The following GORASP1 variants were observed in gnomAD, a reference collection of about 807,000 sequenced individuals.
The protein encoded by GORASP1 is golgi reassembly stacking protein 1.
Under a neutral mutation model 37.7 loss-of-function variants are expected in GORASP1, and 31 were observed. That is an observed-to-expected ratio of 0.82 (90% CI 0.62 to 1.11). The LOEUF is 1.11. Ranked by LOEUF, GORASP1 falls within the 50% of genes least tolerant of loss-of-function variation. GORASP1 has a pLI of 0.00. For synonymous variants in GORASP1, 204 were observed against 224.8 expected (o/e 0.91, Z 0.83); for missense variants, 476 against 560.7 (o/e 0.85, Z 1.53).
Position 39,098,111 on chromosome 3 carries a change from A to T in GORASP1, c.*125T>A. On this transcript the variant is annotated 3_prime_UTR_variant, in exon 9 of 9. Coordinates refer to ENST00000319283, the MANE Select transcript of GORASP1 (RefSeq NM_031899.4). The surrounding 1 kb of genome is among the most constrained non-coding windows in gnomAD (Gnocchi z 4.7). ...ACAAGGCCCATGGCCCCCTCTCACCACCCACTGAGGCCTCATGTCCCACCA... is the reference window on the plus strand; with the variant it reads ...ACAAGGCCCATGGCCCCCTCTCACCTCCCACTGAGGCCTCATGTCCCACCA... 8.6e-7 allele frequency: 1 copy of T among 1,161,312 alleles called. No individual in the cohort carries two copies. Among genetic ancestry groups the T allele is most frequent in the Non-Finnish European group, 1.2e-6 (1 of 821,382 alleles). 71.9% of individuals were successfully genotyped at this position (1,161,312 alleles called of 1,614,324 possible).
chr3:39,098,094 C>G lies in GORASP1; in HGVS notation c.*142G>C, dbSNP rs2035446215. On this transcript the variant is annotated 3_prime_UTR_variant, in exon 9 of 9. Transcript: ENST00000319283. The surrounding 1 kb of genome is among the most constrained non-coding windows in gnomAD (Gnocchi z 4.7). ...CCAAAAGATATCCTCCCACAAGGCC[C>G]ATGGCCCCCTCTCACCACCCACTGA... 1 of 969,484 alleles carries G rather than the reference C, an allele frequency of 1.0e-6. No individual in the cohort carries two copies. The highest frequency in any genetic ancestry group is 1.5e-6 in the Non-Finnish European group (1 of 653,368). The allele number at this position is 969,484 out of a possible 1,614,324, so 60.1% of individuals were successfully genotyped here.
chr3:39,101,534 A>G, intron 3 of GORASP1: 1 of 457,964 alleles, frequency 2.2e-6, no homozygotes, highest in Non-Finnish European at 4.4e-6. Context: ...CACCCACTAC[A>G]TTGCTGCTTC....
In GORASP1 at chr3:39,100,718, C is replaced by A. The variant is rs1443246111; in HGVS notation, c.566+29G>T. On this transcript the variant is annotated intron_variant, in intron 5 of 8. Transcript: ENST00000319283. This position sits in a 1 kb window ranked among gnomAD's most constrained non-coding sequence, Gnocchi z 4.6. Reference sequence around the variant, plus strand: ...CAATGGTCAGGCCCCACCCACCTGGCCCTGCAGCCCTCCAACCCCACGAAG... The same window carrying A: ...CAATGGTCAGGCCCCACCCACCTGGACCTGCAGCCCTCCAACCCCACGAAG... 6 of 1,610,200 alleles carry A rather than the reference C, an allele frequency of 3.7e-6. No individual in the cohort carries two copies. The African/African-American group carries it at 6.7e-5, about 18-fold the overall frequency.
In GORASP1 at chr3:39,098,988, C is replaced by G. The variant is rs2035524048; in HGVS notation, c.917-95G>C. 6.8e-7 allele frequency: 1 copy of G among 1,477,054 alleles called. No individual in the cohort carries two copies. Among genetic ancestry groups the G allele is most frequent in the South Asian group, 1.2e-5 (1 of 82,306 alleles). The allele number at this position is 1,477,054 out of a possible 1,614,324, so 91.5% of individuals were successfully genotyped here. A position where few individuals can be genotyped will look rare whatever the true frequency, so the allele number is the denominator to read the frequency against. ...ACCTTGCCTAGGGCATCTGGCCCAG[C>G]CTGTGAGACTGTAATCTCCTCAGCC... On this transcript the variant is annotated intron_variant, in intron 7 of 8. Transcript: ENST00000319283. This position sits in a 1 kb window ranked among gnomAD's most constrained non-coding sequence, Gnocchi z 4.7.
chr3:39,098,293 A>G lies in GORASP1; in HGVS notation c.1266T>C (p.Asp422=), dbSNP rs1045451073. The change falls in exon 9 of 9, where the codon GAT becomes GAC. Residue 422 remains aspartate (D), a synonymous_variant. Coordinates refer to ENST00000319283, the MANE Select transcript of GORASP1 (RefSeq NM_031899.4). This position sits in a 1 kb window ranked among gnomAD's most constrained non-coding sequence, Gnocchi z 4.7. The part of the protein sequence containing the change: ...EEEPASTEGL[D]TGTEAEGLDS... ...CCAGCCCCTCAGCCTCCGTCCCAGT[A>G]TCTAGGCCCTCTGTGCTTGCTGGTT... 8 of 1,614,014 alleles carry G rather than the reference A, an allele frequency of 5.0e-6. No individual in the cohort carries two copies. The African/African-American group carries it at 1.1e-4, about 22-fold the overall frequency.
chr3:39,098,228 C>A lies in GORASP1; in HGVS notation c.*8G>T. ...ATGTCATCATGGGCCTTGTCACAGC[C>A]CAGGGTGTTATTCTGTGGTAGAGAT... is the stretch of plus-strand genomic sequence containing the variant. On this transcript the variant is annotated 3_prime_UTR_variant, in exon 9 of 9. Transcript: ENST00000319283. This position sits in a 1 kb window ranked among gnomAD's most constrained non-coding sequence, Gnocchi z 4.7. The A allele has an allele frequency of 6.2e-7, 1 of 1,612,896 alleles. No homozygotes were observed. Among genetic ancestry groups the A allele is most frequent in the Non-Finnish European group, 8.5e-7 (1 of 1,179,374 alleles).
Position 39,102,297 on chromosome 3 carries a change from G to T in GORASP1, c.348+381C>A, listed in dbSNP as rs1320046285. On this transcript the variant is annotated intron_variant, in intron 3 of 8. Transcript: ENST00000319283. This position sits in a 1 kb window ranked among gnomAD's most constrained non-coding sequence, Gnocchi z 5.0. ...GGGATCACTATTGTATATGCAGTCCGTGGTTGACTGAAACGTTGTCATGCA... is the reference window on the plus strand; with the variant it reads ...GGGATCACTATTGTATATGCAGTCCTTGGTTGACTGAAACGTTGTCATGCA... 6.6e-6 allele frequency among the ~76,000 whole-genome samples: 1 copy of T among 152,074 alleles called. No homozygotes were observed. The highest frequency in any genetic ancestry group is 1.5e-5 in the Non-Finnish European group (1 of 68,030).
chr3:39,101,092 G>A lies in GORASP1; in HGVS notation c.359C>T (p.Pro120Leu), dbSNP rs559259922. 2.5e-6 allele frequency: 4 copies of A among 1,614,134 alleles called. No homozygotes were observed. The South Asian group carries it at 4.4e-5, about 18-fold the overall frequency. Residue 120 changes from proline (P) to leucine (L), a missense_variant, in exon 4 of 9, where the codon CCA becomes CTA. Pro to Leu is a moderately conservative substitution (Grantham distance 98). Transcript: ENST00000319283. ...EQVWHVLDVE[P>L]SSPAALAGLR... ...GCCGGCAAGGGCAGCAGGTGAAGAT[G>A]GTTCCACATCCTGGGGAAAGAACCG...
intron 3 of GORASP1, 186 bp from the exon 4 acceptor site, chr3:39,101,288 C>T: frequency 1.6e-6 from 1 of 638,480 alleles, no homozygotes. Context: ...GGTCTACAGC[C>T]TGTCCAGCAG....
chr3:39,100,189 C>A lies in GORASP1; in HGVS notation c.765+116G>T. On this transcript the variant is annotated intron_variant, in intron 6 of 8. Transcript: ENST00000319283. The surrounding 1 kb of genome is among the most constrained non-coding windows in gnomAD (Gnocchi z 4.6). Reference sequence around the variant, plus strand: ...TGGCCTGCCTGCTCCCACTGGGTCCCAGAAGTACATGGGCCTCTCAGATCA... The same window carrying A: ...TGGCCTGCCTGCTCCCACTGGGTCCAAGAAGTACATGGGCCTCTCAGATCA... 2 of 947,988 alleles carry A rather than the reference C, an allele frequency of 2.1e-6. No homozygotes were observed. The highest frequency in any genetic ancestry group is 1.4e-5 in the South Asian group (1 of 73,064). 58.7% of individuals were successfully genotyped at this position (947,988 alleles called of 1,614,324 possible). A position where few individuals can be genotyped will look rare whatever the true frequency, so the allele number is the denominator to read the frequency against.
chr3:39,101,621 T>A (rs1294467156), intron 3 of GORASP1: 3 of 452,648 alleles, frequency 6.6e-6, no homozygotes, highest in Non-Finnish European at 1.3e-5. Context: ...AAATAAGGAT[T>A]CCCTTCTCCC....
In GORASP1 at chr3:39,096,958, C is replaced by A. The variant is rs1575446638; in HGVS notation, c.*1278G>T. 1 of 152,434 alleles carries A rather than the reference C, an allele frequency of 6.6e-6. No individual in the cohort carries two copies. Among genetic ancestry groups the A allele is most frequent in the East Asian group, 1.9e-4 (1 of 5,184 alleles). The allele number at this position is 152,434 out of a possible 1,614,324, so 9.4% of individuals were successfully genotyped here. A position where few individuals can be genotyped will look rare whatever the true frequency, so the allele number is the denominator to read the frequency against. On this transcript the variant is annotated 3_prime_UTR_variant, in exon 9 of 9. Transcript: ENST00000319283. ...TTCCTGCATTCCAGCAGACTTGACA[C>A]TGGGCTCCCAGACGATCCAGGACAC...
rs964198967 is a variant in GORASP1 at position 39,105,816 on chromosome 3, C to T, written c.63+1663G>A. 9.9e-5 allele frequency among the ~76,000 whole-genome samples: 15 copies of T among 152,186 alleles called. No individual in the cohort carries two copies. The highest frequency in any genetic ancestry group is 1.8e-4 in the Non-Finnish European group (12 of 68,034). ...CCTACACGGTCTGCTCTGGTCTCCT[C>T]CTCACACTGGCCACACCATCCAAGC... On this transcript the variant is annotated intron_variant, in intron 1 of 8. Coordinates refer to ENST00000319283, the MANE Select transcript of GORASP1 (RefSeq NM_031899.4). The surrounding 1 kb of genome is among the most constrained non-coding windows in gnomAD (Gnocchi z 5.4).
chr3:39,101,132 TG>T, intron 3 of GORASP1, 30 bp from the exon 4 acceptor site: 1 of 1,605,388 alleles, frequency 6.2e-7, no homozygotes, highest in Non-Finnish European at 8.5e-7. Context: ...CCACTGGCCA[TG>T]CTACTAGAGG....
Position 39,100,169 on chromosome 3 carries a change from T to A in GORASP1, c.765+136A>T. On this transcript the variant is annotated intron_variant, in intron 6 of 8. Coordinates refer to ENST00000319283, the MANE Select transcript of GORASP1 (RefSeq NM_031899.4). The surrounding 1 kb of genome is among the most constrained non-coding windows in gnomAD (Gnocchi z 4.6). ...GAGTTTCACTGCTCCAGGCATGGCC[T>A]GCCTGCTCCCACTGGGTCCCAGAAG... is the stretch of plus-strand genomic sequence containing the variant. The A allele has an allele frequency of 1.2e-6, 1 of 811,862 alleles. No homozygotes were observed. Among genetic ancestry groups the A allele is most frequent in the Non-Finnish European group, 2.1e-6 (1 of 482,660 alleles). 50.3% of individuals were successfully genotyped at this position (811,862 alleles called of 1,614,324 possible). A position where few individuals can be genotyped will look rare whatever the true frequency, so the allele number is the denominator to read the frequency against.
chr3:39,107,558 G>T lies in GORASP1; in HGVS notation c.-17C>A. On this transcript the variant is annotated 5_prime_UTR_variant, in exon 1 of 9. Coordinates refer to ENST00000319283, the MANE Select transcript of GORASP1 (RefSeq NM_031899.4). Reference sequence around the variant, plus strand: ...CAGGCCCATGGCAGCGGCTCCGCTCGGCACCCAGGTCCAGTCCCGCTGCGC... The same window carrying T: ...CAGGCCCATGGCAGCGGCTCCGCTCTGCACCCAGGTCCAGTCCCGCTGCGC... 6.7e-7 allele frequency: 1 copy of T among 1,486,100 alleles called. No individual in the cohort carries two copies. Among genetic ancestry groups the T allele is most frequent in the South Asian group, 1.3e-5 (1 of 76,270 alleles). The allele number at this position is 1,486,100 out of a possible 1,614,324, so 92.1% of individuals were successfully genotyped here. A position where few individuals can be genotyped will look rare whatever the true frequency, so the allele number is the denominator to read the frequency against.
Position 39,103,180 on chromosome 3 carries a change from GC to G in GORASP1, c.144+292del. On this transcript the variant is annotated intron_variant, in intron 2 of 8. Transcript: ENST00000319283. The surrounding 1 kb of genome is among the most constrained non-coding windows in gnomAD (Gnocchi z 5.2). ...TTCCAGTGCTGCCCCACTCTGAGCT[GC>G]CCCTTGGCCAGGGCCCTCATATCCC... 1 of 589,748 alleles carries G rather than the reference GC, an allele frequency of 1.7e-6. No individual in the cohort carries two copies. The highest frequency in any genetic ancestry group is 3.0e-6 in the Non-Finnish European group (1 of 331,044). 36.5% of individuals were successfully genotyped at this position (589,748 alleles called of 1,614,324 possible).
In GORASP1 at chr3:39,099,318, C is replaced by T. The variant is rs543539519; in HGVS notation, c.916+35G>A. 4.7e-4 allele frequency: 760 copies of T among 1,612,110 alleles called. 21 individuals carry two copies. The South Asian group carries it at 8.0e-3, about 17-fold the overall frequency. Reference sequence around the variant, plus strand: ...TAGCTGCCAAAGTCCAGCCCCAAGCCTGGGGCCCACTCCTCTCCAGGGCCT... The same window carrying T: ...TAGCTGCCAAAGTCCAGCCCCAAGCTTGGGGCCCACTCCTCTCCAGGGCCT... On this transcript the variant is annotated intron_variant, in intron 7 of 8. Transcript: ENST00000319283.
In GORASP1 at chr3:39,101,069, C is replaced by T. The variant is rs746306013; in HGVS notation, c.382G>A (p.Gly128Ser). Residue 128 changes from glycine (G) to serine (S), a missense_variant, in exon 4 of 9, where the codon GGC (glycine) becomes AGC (serine). Coordinates refer to ENST00000319283, the MANE Select transcript of GORASP1 (RefSeq NM_031899.4). ...VEPSSPAALAGLRPYTDYVVG... is the reference protein window; with the variant it reads ...VEPSSPAALASLRPYTDYVVG... ...ACATAGTCTGTGTAGGGGCGCAGGC[C>T]GGCAAGGGCAGCAGGTGAAGATGGT... 6 of 1,614,078 alleles carry T rather than the reference C, an allele frequency of 3.7e-6. No homozygotes were observed. The highest frequency in any genetic ancestry group is 2.7e-5 in the African/African-American group (2 of 75,018).
Sources: allele counts gnomAD v4.1 joint callset (sites outside exome capture counted in the v4.1 genomes callset), GRCh38; gene constraint gnomAD v4.1.1; non-coding constraint Gnocchi (gnomAD v3.1); transcripts MANE v1.5; gene names NCBI Gene and HGNC (gene_info 2026-07-23, HGNC 2026-07-21).